NRXN3: variants seen among roughly 807,000 people sequenced by gnomAD.
The protein encoded by NRXN3 is neurexin 3.
Under a neutral mutation model 137.6 loss-of-function variants are expected in NRXN3, and 32 were observed. The ratio of observed to expected loss-of-function variants is 0.23; its 90% CI spans 0.18 to 0.31. The LOEUF (loss-of-function observed/expected upper bound fraction) is 0.31, where lower values mean the gene tolerates loss of function less well. Ranked by LOEUF, NRXN3 falls within the 10% of genes least tolerant of loss-of-function variation. The pLI is 1.00. For synonymous variants in NRXN3, 798 were observed against 784.5 expected, an observed-to-expected ratio of 1.02 and a Z score of -0.29; for missense variants, 1,574 against 2,062.5, an observed-to-expected ratio of 0.76 and a Z score of 4.59.
chr14:78,285,272 A>G (rs2075014951), intron 3 of NRXN3, among the ~76,000 whole-genome samples: 2 of 152,056 alleles, frequency 1.3e-5, no homozygotes, highest in South Asian at 2.1e-4. Context: ...TTTCTTTGCT[A>G]TTCTTTGGGG....
At chr14:78,407,144 T>G (rs867654533) in intron 4 of NRXN3, among the ~76,000 whole-genome samples, 1 of 152,154 alleles carries the variant, frequency 6.6e-6, no homozygotes, top group Non-Finnish European at 1.5e-5. Context: ...TGGAGGCATA[T>G]CCTGAGGTCC....
chr14:78,558,324 G>A (rs1482853195), intron 4 of NRXN3, among the ~76,000 whole-genome samples: 6 of 152,038 alleles, frequency 3.9e-5, no homozygotes, highest in Non-Finnish European at 5.9e-5. Context: ...CTGTGTCTTC[G>A]ACAAACTCCT....
At chr14:79,473,769 C>G (rs1317951930) in intron 16 of NRXN3, among the ~76,000 whole-genome samples, 1 of 152,202 alleles carries the variant, frequency 6.6e-6, no homozygotes, top group Non-Finnish European at 1.5e-5. Flanking sequence ...AAAAAGACCT[C>G]TTTGGGATTT....
chr14:78,558,479 T>G (rs930808577), intron 4 of NRXN3, among the ~76,000 whole-genome samples: 1 of 152,238 alleles, frequency 6.6e-6, no homozygotes, highest in East Asian at 1.9e-4. Flanking sequence ...TAGTTCCCTT[T>G]CTATGAATAT....
At chr14:79,472,045 A>T (rs765860650) in intron 16 of NRXN3, among the ~76,000 whole-genome samples, 3 of 152,030 alleles carry the variant, frequency 2.0e-5, no homozygotes, top group Non-Finnish European at 4.4e-5. Flanking sequence ...CTATGTGTCC[A>T]TGTGTTCTCA....
chr14:78,969,371 C>T (rs986968763), intron 14 of NRXN3, among the ~76,000 whole-genome samples: 4 of 152,188 alleles, frequency 2.6e-5, no homozygotes, highest in South Asian at 4.1e-4. Context: ...TGGCTGAAAA[C>T]GTGACTGTTA....
chr14:79,652,277 T>C (rs958099328), intron 16 of NRXN3, among the ~76,000 whole-genome samples: 2 of 152,158 alleles, frequency 1.3e-5, no homozygotes, highest in Admixed American at 1.3e-4. Flanking sequence ...TTTACCTTCG[T>C]CATGTTAATG....
intron 4 of NRXN3, among the ~76,000 whole-genome samples, chr14:78,342,508 G>A (rs2082253953): frequency 6.6e-6 from 1 of 152,102 alleles, no homozygotes; most frequent in South Asian, 2.1e-4. Context: ...ATATATGTCA[G>A]GTAAATTGTA....
At chr14:79,639,995 A>G (rs2098424841) in intron 16 of NRXN3, among the ~76,000 whole-genome samples, 1 of 85,892 alleles carries the variant, frequency 1.2e-5, no homozygotes, top group South Asian at 3.3e-4. Context: ...ACAGTTATCC[A>G]TATAGGAATA....
chr14:79,598,216 C>G (rs1326416586), intron 16 of NRXN3, among the ~76,000 whole-genome samples: 1 of 152,110 alleles, frequency 6.6e-6, no homozygotes. Context: ...AGTATAGTAT[C>G]GTTGGTGCAG....
chr14:79,393,974 G>T (rs921056422), intron 15 of NRXN3, among the ~76,000 whole-genome samples: 2 of 152,056 alleles, frequency 1.3e-5, no homozygotes, highest in African/African-American at 4.8e-5. Context: ...GGTCCAGTAG[G>T]GTGGAAGTCA....
chr14:78,605,785 A>T (rs1380319696), intron 4 of NRXN3, among the ~76,000 whole-genome samples: 2 of 152,200 alleles, frequency 1.3e-5, no homozygotes, highest in Non-Finnish European at 2.9e-5. Context: ...AACCATGTTT[A>T]AAAAAGCTTC....
In NRXN3 at chr14:78,769,228, G is replaced by A. The variant is rs570469729; in HGVS notation, c.2045-34392G>A. On this transcript the variant is annotated intron_variant, in intron 8 of 20. Coordinates refer to ENST00000335750, the MANE Select transcript of NRXN3 (RefSeq NM_001330195.2). ...TTGAAGCTCTTGTGATAGAAACCAG[G>A]GACAAAGACCAAATATGTATTTCTT... Among the ~76,000 whole-genome samples, 4 of 152,264 alleles carry A rather than the reference G, an allele frequency of 2.6e-5. No homozygotes were observed. In the South Asian group the frequency reaches 6.2e-4, roughly 24 times the overall value.
At chr14:79,804,894 G>T (rs1035856180) in intron 19 of NRXN3, among the ~76,000 whole-genome samples, 3 of 152,058 alleles carry the variant, frequency 2.0e-5, no homozygotes, top group African/African-American at 7.2e-5. Context: ...TCAGCTCTAC[G>T]GAAGACCCCC....
intron 1 of NRXN3, among the ~76,000 whole-genome samples, chr14:78,221,243 C>A (rs1355212965): frequency 6.6e-6 from 1 of 151,830 alleles, no homozygotes; most frequent in East Asian, 1.9e-4. Context: ...ATTAGGGTGC[C>A]GTATAGCTTT....
chr14:79,257,442 G>A (rs1351444107), intron 15 of NRXN3, among the ~76,000 whole-genome samples: 1 of 23,446 alleles, frequency 4.3e-5, no homozygotes. Flanking sequence ...GGTGGTGGTG[G>A]TAGTGATGGT....
intron 16 of NRXN3, among the ~76,000 whole-genome samples, chr14:79,538,906 T>C (rs2153730851): frequency 6.6e-6 from 1 of 152,360 alleles, no homozygotes; most frequent in East Asian, 1.9e-4. Context: ...AGTCAAGCAT[T>C]TTTAAAGCAT....
Position 79,063,150 on chromosome 14 carries a change from T to C in NRXN3, c.3262+75009T>C, listed in dbSNP as rs1384503835. ...TTTTGGTTTGAATGACAAATTAAAC[T>C]CCCAGCTTCCAAACACTGAATTCTT... is the stretch of plus-strand genomic sequence containing the variant. On this transcript the variant is annotated intron_variant, in intron 15 of 20. Transcript: ENST00000335750. 3.3e-5 allele frequency among the ~76,000 whole-genome samples: 5 copies of C among 152,306 alleles called. No individual in the cohort carries two copies. In the East Asian group the frequency reaches 9.6e-4, roughly 29 times the overall value.
chr14:78,441,642 C>A (rs1243595687), intron 4 of NRXN3, among the ~76,000 whole-genome samples: 17 of 151,574 alleles, frequency 1.1e-4, no homozygotes, highest in South Asian at 2.1e-4. Flanking sequence ...AATGGTGGTT[C>A]CCCCAAAAGA....
Sources: allele counts gnomAD v4.1 joint callset (sites outside exome capture counted in the v4.1 genomes callset), GRCh38; gene constraint gnomAD v4.1.1; transcripts MANE v1.5; gene names NCBI Gene and HGNC (gene_info 2026-07-23, HGNC 2026-07-21).